The following CAPRIN1 variants were observed in gnomAD, a reference collection of about 807,000 sequenced individuals.
CAPRIN1 encodes the protein cell cycle associated protein 1.
Under a neutral mutation model 100.9 loss-of-function variants are expected in CAPRIN1, and 29 were observed. The observed-to-expected ratio is 0.29, with a 90% CI of 0.21 to 0.39. The LOEUF is 0.39. Ranked by LOEUF, CAPRIN1 falls within the 10% of genes least tolerant of loss-of-function variation. The pLI, the probability that CAPRIN1 is intolerant of heterozygous loss-of-function variation, is 1.00. For synonymous variants in CAPRIN1, 338 were observed against 307.5 expected (o/e 1.10, Z -1.04); for missense variants, 795 against 876.7 (o/e 0.91, Z 1.18).
chr11:34,083,609 A>G (rs953251289), intron 9 of CAPRIN1, among the ~76,000 whole-genome samples: 13 of 152,208 alleles, frequency 8.5e-5, no homozygotes, highest in African/African-American at 3.1e-4. Context: ...GCTCTCAGTG[A>G]TGCCTTGTTA....
At chr11:34,059,893 T>G (rs1192777313) in intron 2 of CAPRIN1, among the ~76,000 whole-genome samples, 1 of 150,758 alleles carries the variant, frequency 6.6e-6, no homozygotes, top group East Asian at 1.9e-4. Flanking sequence ...TTTTTTTTTT[T>G]TTTTTTTAAG....
intron 15 of CAPRIN1, among the ~76,000 whole-genome samples, chr11:34,094,742 A>G (rs74532823): frequency 0.082 from 12,530 of 152,278 alleles, 529 homozygotes; most frequent in Non-Finnish European, 0.092. Flanking sequence ...GGTTGCAGTG[A>G]GCCAAGATTA....
At position 34,101,717 on chromosome 11, in the gene CAPRIN1, T is replaced by A. The variant is rs1851457422; in HGVS notation, c.*2350T>A. Among the ~76,000 whole-genome samples the A allele has an allele frequency of 6.6e-6, 1 of 152,214 alleles. No homozygotes were observed. Among genetic ancestry groups the A allele is most frequent in the Admixed American group, 6.5e-5 (1 of 15,280 alleles). On this transcript the variant is annotated 3_prime_UTR_variant, in exon 19 of 19. Transcript: ENST00000341394. Reference sequence around the variant, plus strand: ...TGCCTCATTATGGGGCAGAGAACTTTTCAATAAGTCTCATTAAGATCTGAA... The same window carrying A: ...TGCCTCATTATGGGGCAGAGAACTTATCAATAAGTCTCATTAAGATCTGAA...
intron 9 of CAPRIN1, among the ~76,000 whole-genome samples, chr11:34,084,113 T>C (rs1324647427): frequency 6.6e-6 from 1 of 152,120 alleles, no homozygotes; most frequent in Non-Finnish European, 1.5e-5. Flanking sequence ...TTTTTTTTTT[T>C]TGAGAGTCTC....
intron 15 of CAPRIN1, among the ~76,000 whole-genome samples, chr11:34,094,308 G>A (rs545942927): frequency 1.3e-5 from 2 of 151,736 alleles, no homozygotes; most frequent in South Asian, 2.1e-4. Flanking sequence ...CACCCGCCTC[G>A]GCCTTCCAAA....
intron 14 of CAPRIN1, chr11:34,091,676 A>G (rs998880597): frequency 1.7e-5 from 6 of 347,450 alleles, no homozygotes; most frequent in Admixed American, 9.6e-5. Flanking sequence ...TTAATTCCCT[A>G]CTTCCATTTC....
At chr11:34,085,008 C>T (rs958174008) in intron 9 of CAPRIN1, among the ~76,000 whole-genome samples, 1 of 151,638 alleles carries the variant, frequency 6.6e-6, no homozygotes, top group African/African-American at 2.4e-5. Context: ...TTTGGAGCAT[C>T]CTGAAGTTGG....
In CAPRIN1 at chr11:34,101,923, C is replaced by A. The variant is rs998667054; in HGVS notation, c.*2556C>A. 6.6e-6 allele frequency among the ~76,000 whole-genome samples: 1 copy of A among 152,144 alleles called. No homozygotes were observed. Among genetic ancestry groups the A allele is most frequent in the East Asian group, 1.9e-4 (1 of 5,204 alleles). The stretch of plus-strand genomic sequence containing the variant: ...ACTTTTGTATATGCATAATATAAAT[C>A]ATCTCATGTGGATATGAAACTTCTT... On this transcript the variant is annotated 3_prime_UTR_variant, in exon 19 of 19. Coordinates refer to ENST00000341394, the MANE Select transcript of CAPRIN1 (RefSeq NM_005898.5).
rs747332748 is a variant in CAPRIN1 at position 34,090,172 on chromosome 11, T to C, written c.1294-7T>C. On this transcript the variant is annotated splice_region_variant and splice_polypyrimidine_tract_variant and intron_variant, in intron 12 of 18. Coordinates refer to ENST00000341394, the MANE Select transcript of CAPRIN1 (RefSeq NM_005898.5). ...GAAGAAGCTTTTATTTCTTTACTTA[T>C]GTCTAGGTTCCTTTGGTATCATCCA... 54 of 1,574,638 alleles carry C rather than the reference T, an allele frequency of 3.4e-5. No homozygotes were observed. In the East Asian group the frequency reaches 8.3e-4, roughly 24 times the overall value.
At chr11:34,063,895 A>G (rs1489192253) in intron 2 of CAPRIN1, among the ~76,000 whole-genome samples, 1 of 151,818 alleles carries the variant, frequency 6.6e-6, no homozygotes. Context: ...CACCCTCCCT[A>G]GTAGCTGTGT....
chr11:34,082,804 C>T (rs1340880737), intron 7 of CAPRIN1, 21 bp from the exon 8 acceptor site: 2 of 1,607,300 alleles, frequency 1.2e-6, no homozygotes, highest in South Asian at 2.2e-5. Flanking sequence ...TTTTGTTTTG[C>T]ACCATTTTTT....
chr11:34,097,856 A>G (rs1851395893), intron 18 of CAPRIN1, 95 bp downstream of exon 18: 4 of 1,592,696 alleles, frequency 2.5e-6, no homozygotes, highest in Admixed American at 1.7e-5. Context: ...GAATACATTT[A>G]TCCTTTCCAG....
intron 15 of CAPRIN1, among the ~76,000 whole-genome samples, chr11:34,094,891 T>C (rs896915752): frequency 6.6e-6 from 1 of 152,174 alleles, no homozygotes; most frequent in African/African-American, 2.4e-5. Context: ...CTTTTTCCTT[T>C]CATTTTTTGA....
At chr11:34,063,956 C>T (rs867531899) in intron 2 of CAPRIN1, among the ~76,000 whole-genome samples, 4 of 151,988 alleles carry the variant, frequency 2.6e-5, no homozygotes, top group Non-Finnish European at 4.4e-5. Flanking sequence ...TTAGTAGAGA[C>T]GGGGTTTCTC....
chr11:34,060,227 G>A (rs1850548669), intron 2 of CAPRIN1, among the ~76,000 whole-genome samples: 1 of 149,014 alleles, frequency 6.7e-6, no homozygotes. Context: ...AAGCTGGGTA[G>A]CATTAGCAAG....
intron 12 of CAPRIN1, 135 bp from the exon 13 acceptor site, chr11:34,090,044 G>A (rs374356279): frequency 1.8e-5 from 9 of 512,906 alleles, no homozygotes; most frequent in East Asian, 6.3e-5. Context: ...TTTAAAGAGA[G>A]ATGGTAATAT....
chr11:34,066,662 G>A (rs1308346921), intron 2 of CAPRIN1, among the ~76,000 whole-genome samples: 1 of 145,406 alleles, frequency 6.9e-6, no homozygotes, highest in Non-Finnish European at 1.5e-5. Flanking sequence ...TTTTTGAGAC[G>A]GAGTCTCACT....
At chr11:34,061,410 G>A (rs1850577550) in intron 2 of CAPRIN1, among the ~76,000 whole-genome samples, 1 of 151,744 alleles carries the variant, frequency 6.6e-6, no homozygotes, top group South Asian at 2.1e-4. Context: ...GTTTCATCAT[G>A]TTGCCCAGGC....
intron 12 of CAPRIN1, chr11:34,089,915 A>G (rs1262670304): frequency 4.3e-6 from 1 of 231,550 alleles, no homozygotes; most frequent in African/African-American, 2.3e-5. Flanking sequence ...AATTTAGTGC[A>G]GATTTCTCCA....
Sources: allele counts gnomAD v4.1 joint callset (sites outside exome capture counted in the v4.1 genomes callset), GRCh38; gene constraint gnomAD v4.1.1; transcripts MANE v1.5; gene names NCBI Gene and HGNC (gene_info 2026-07-23, HGNC 2026-07-21).